The following GABRG3 variants were observed in gnomAD, a reference collection of about 807,000 sequenced individuals.
The protein encoded by GABRG3 is gamma-aminobutyric acid receptor subunit gamma-3.
GABRG3 carries 25 observed loss-of-function variants against 48.8 expected under a neutral mutation model. The observed-to-expected ratio is 0.51, with a 90% CI of 0.37 to 0.72. The LOEUF (loss-of-function observed/expected upper bound fraction) is 0.72. Ranked by LOEUF, GABRG3 falls within the 30% of genes least tolerant of loss-of-function variation. The pLI is 0.00. For missense variants in GABRG3, 394 were observed against 577.9 expected, an observed-to-expected ratio of 0.68 and a Z score of 3.26; for synonymous variants, 227 against 217.6, an observed-to-expected ratio of 1.04 and a Z score of -0.38.
intron 3 of GABRG3, among the ~76,000 whole-genome samples, chr15:27,318,873 G>A (rs751249915): frequency 4.6e-5 from 7 of 152,134 alleles, no homozygotes; most frequent in African/African-American, 7.2e-5. Flanking sequence ...GCACAGAAGC[G>A]TGGTTACCAG....
At chr15:27,146,104 A>G (rs1445999046) in intron 3 of GABRG3, among the ~76,000 whole-genome samples, 1 of 152,176 alleles carries the variant, frequency 6.6e-6, no homozygotes, top group African/African-American at 2.4e-5. Context: ...AAGAAATACT[A>G]AAGAGGGACT....
In GABRG3 at chr15:27,008,139, T is replaced by G. The variant is rs542088559; in HGVS notation, c.203-18615T>G. On this transcript the variant is annotated intron_variant, in intron 2 of 9. Coordinates refer to ENST00000615808, the MANE Select transcript of GABRG3 (RefSeq NM_033223.5). ...ATGGGCCTTTTAAAATTAATTTAGC[T>G]AAATAATTATATTTTATGTGCATTA... Among the ~76,000 whole-genome samples, 3 of 152,332 alleles carry G rather than the reference T, an allele frequency of 2.0e-5. No individual in the cohort carries two copies. The South Asian group carries it at 6.2e-4, about 32-fold the overall frequency.
chr15:27,239,278 G>A (rs1327758251), intron 3 of GABRG3, among the ~76,000 whole-genome samples: 1 of 152,172 alleles, frequency 6.6e-6, no homozygotes, highest in Non-Finnish European at 1.5e-5. Context: ...GCTATGTTTT[G>A]TATGGAGTCT....
chr15:27,366,555 C>T (rs1895206787), intron 5 of GABRG3, among the ~76,000 whole-genome samples: 1 of 152,082 alleles, frequency 6.6e-6, no homozygotes, highest in South Asian at 2.1e-4. Flanking sequence ...TTTTGAGGCT[C>T]TCCTCCCAGC....
chr15:27,312,596 C>G (rs912036523), intron 3 of GABRG3, among the ~76,000 whole-genome samples: 2 of 152,032 alleles, frequency 1.3e-5, no homozygotes, highest in African/African-American at 4.8e-5. Flanking sequence ...AGTGGAGTTT[C>G]CAGCAGAAAC....
chr15:27,334,604 C>T (rs567201057), intron 5 of GABRG3, among the ~76,000 whole-genome samples: 26 of 152,220 alleles, frequency 1.7e-4, no homozygotes, highest in African/African-American at 5.1e-4. Flanking sequence ...TGAACCTTAT[C>T]TTTAAAATGC....
chr15:27,029,610 GTCTC>G (rs925253090), intron 3 of GABRG3, among the ~76,000 whole-genome samples: 1 of 152,182 alleles, frequency 6.6e-6, no homozygotes, highest in Non-Finnish European at 1.5e-5. Context: ...GTTGCTGTGT[GTCTC>G]TCTCTGTTCC....
At chr15:27,105,739 T>G (rs1176714610) in intron 3 of GABRG3, among the ~76,000 whole-genome samples, 1 of 152,118 alleles carries the variant, frequency 6.6e-6, no homozygotes, top group African/African-American at 2.4e-5. Context: ...AGTATGCTGA[T>G]TTTTAACAAA....
At chr15:27,481,891 C>G (rs1444672032) in intron 6 of GABRG3, among the ~76,000 whole-genome samples, 1 of 152,176 alleles carries the variant, frequency 6.6e-6, no homozygotes, top group Non-Finnish European at 1.5e-5. Context: ...ATGTAATTCC[C>G]TGTCTTAGAG....
intron 5 of GABRG3, chr15:27,363,220 G>A (rs935008603): frequency 6.6e-6 from 1 of 152,124 alleles, no homozygotes; most frequent in Non-Finnish European, 1.5e-5. Context: ...CTTCTTGCAG[G>A]TGAAATAAGC....
chr15:27,190,705 G>GT (rs1186237320), intron 3 of GABRG3, among the ~76,000 whole-genome samples: 7 of 151,904 alleles, frequency 4.6e-5, no homozygotes, highest in East Asian at 1.9e-4. Flanking sequence ...TTTTTGAAGG[G>GT]TTTTTTGTGT....
chr15:27,049,516 T>C (rs1896420758), intron 3 of GABRG3, among the ~76,000 whole-genome samples: 1 of 152,128 alleles, frequency 6.6e-6, no homozygotes, highest in Non-Finnish European at 1.5e-5. Flanking sequence ...GGACCGACCA[T>C]AGAAATGAAA....
intron 3 of GABRG3, among the ~76,000 whole-genome samples, chr15:27,051,025 A>C (rs995574488): frequency 7.2e-5 from 11 of 152,356 alleles, no homozygotes; most frequent in Non-Finnish European, 1.5e-4. Context: ...TAGCACATAA[A>C]AGTCATACAA....
chr15:27,143,635 G>A (rs148438169), intron 3 of GABRG3, among the ~76,000 whole-genome samples: 2 of 152,198 alleles, frequency 1.3e-5, no homozygotes, highest in South Asian at 2.1e-4. Context: ...GGAAAGCTGC[G>A]AGTGTATCCT....
At chr15:27,197,481 T>G (rs1888532375) in intron 3 of GABRG3, among the ~76,000 whole-genome samples, 1 of 151,940 alleles carries the variant, frequency 6.6e-6, no homozygotes, top group African/African-American at 2.4e-5. Context: ...TTTTTTTTTT[T>G]TTTTATCATC....
intron 3 of GABRG3, among the ~76,000 whole-genome samples, chr15:27,074,378 C>T (rs1896876422): frequency 6.6e-6 from 1 of 152,082 alleles, no homozygotes; most frequent in African/African-American, 2.4e-5. Context: ...ATATCACAGT[C>T]ATAATCACAG....
chr15:27,091,281 T>A (rs1207341725), intron 3 of GABRG3, among the ~76,000 whole-genome samples: 3 of 152,248 alleles, frequency 2.0e-5, no homozygotes, highest in Non-Finnish European at 4.4e-5. Context: ...ATGTATTGCA[T>A]TAACTTTTTG....
At chr15:27,298,018 C>T (rs80082444) in intron 3 of GABRG3, among the ~76,000 whole-genome samples, 1,934 of 151,852 alleles carry the variant, frequency 0.013, 40 homozygotes, top group East Asian at 0.089. Context: ...AACGTTACAT[C>T]AGAAAATATC....
intron 3 of GABRG3, among the ~76,000 whole-genome samples, chr15:27,255,786 G>C (rs1016666096): frequency 2.0e-5 from 3 of 152,184 alleles, no homozygotes; most frequent in Admixed American, 2.0e-4. Context: ...TGGTAGCCAG[G>C]TCTGCTGCCT....
Sources: gnomAD v4.1 joint callset for allele counts (sites outside exome capture counted in the v4.1 genomes callset) on GRCh38, gnomAD v4.1.1 for gene constraint, MANE v1.5 for transcripts, NCBI Gene and HGNC (gene_info 2026-07-23, HGNC 2026-07-21) for gene names.